The following REEP1 variants were observed in gnomAD, a reference collection of about 807,000 sequenced individuals.
The protein encoded by REEP1 is receptor expression-enhancing protein 1.
In REEP1, 22 loss-of-function variants were observed where a neutral mutation model predicts 40.3. That is an observed-to-expected ratio of 0.55 (90% CI 0.39 to 0.78). The LOEUF (loss-of-function observed/expected upper bound fraction) is 0.78. Ranked by LOEUF, REEP1 falls within the 30% of genes least tolerant of loss-of-function variation. REEP1 has a pLI of 0.00. For missense variants in REEP1, 280 were observed against 361.1 expected, an observed-to-expected ratio of 0.78 and a Z score of 1.82; for synonymous variants, 116 against 139.2, an observed-to-expected ratio of 0.83 and a Z score of 1.17.
Position 86,263,997 on chromosome 2 carries a change from T to G in REEP1, c.150A>C (p.Thr50=). 6.2e-7 allele frequency: 1 copy of G among 1,613,772 alleles called. No individual in the cohort carries two copies. Among genetic ancestry groups the G allele is most frequent in the Non-Finnish European group, 8.5e-7 (1 of 1,179,648 alleles). ...GGAAGATGTCTGTGAATGTCTCTGC[T>G]GTGGTGAAAAGTGCAAATATAATCC... ...MYWIIFALFT[T]AETFTDIFLC... is the part of the protein sequence containing the mutation. The change falls in exon 3 of 9, where the codon ACA becomes ACC. Residue 50 remains threonine (T), a synonymous_variant. Coordinates refer to ENST00000538924, the MANE Select transcript of REEP1 (RefSeq NM_001371279.1).
At chr2:86,260,308 C>T (rs1676789615) in intron 3 of REEP1, among the ~76,000 whole-genome samples, 1 of 152,134 alleles carries the variant, frequency 6.6e-6, no homozygotes, top group Non-Finnish European at 1.5e-5. Flanking sequence ...CCCTCACTTC[C>T]CACCCACAAA....
intron 5 of REEP1, among the ~76,000 whole-genome samples, chr2:86,233,990 G>A (rs913388977): frequency 2.0e-5 from 3 of 152,070 alleles, no homozygotes; most frequent in Non-Finnish European, 2.9e-5. Context: ...GGCTGCTGGT[G>A]GGATTGATGA....
At chr2:86,288,203 A>G (rs895026945) in intron 1 of REEP1, among the ~76,000 whole-genome samples, 1 of 151,708 alleles carries the variant, frequency 6.6e-6, no homozygotes, top group African/African-American at 2.4e-5. Context: ...TTGTATTTTT[A>G]GTAAAGATGG....
At chr2:86,325,898 C>T (rs1424395288) in intron 1 of REEP1, among the ~76,000 whole-genome samples, 1 of 152,216 alleles carries the variant, frequency 6.6e-6, no homozygotes, top group Non-Finnish European at 1.5e-5. Flanking sequence ...CCCACCTCTT[C>T]GTCTCAGATT....
At chr2:86,262,310 C>T (rs1228815668) in intron 3 of REEP1, among the ~76,000 whole-genome samples, 1 of 152,208 alleles carries the variant, frequency 6.6e-6, no homozygotes, top group African/African-American at 2.4e-5. Context: ...ACTTCCAGGG[C>T]CAGCCTCAAG....
intron 5 of REEP1, among the ~76,000 whole-genome samples, chr2:86,247,032 T>C (rs553225472): frequency 6.6e-6 from 1 of 152,340 alleles, no homozygotes; most frequent in African/African-American, 2.4e-5. Context: ...GAATATGTTT[T>C]GCTTAACAAA....
At chr2:86,316,847 G>A (rs1680038479) in intron 1 of REEP1, among the ~76,000 whole-genome samples, 1 of 152,170 alleles carries the variant, frequency 6.6e-6, no homozygotes, top group African/African-American at 2.4e-5. Context: ...GGACAAGAGT[G>A]AAACTCCATC....
intron 1 of REEP1, among the ~76,000 whole-genome samples, chr2:86,285,850 G>GA (rs1678359943): frequency 1.3e-5 from 2 of 152,162 alleles, no homozygotes; most frequent in Non-Finnish European, 2.9e-5. Flanking sequence ...TAGGAAGTCA[G>GA]AAAAAATGTG....
intron 5 of REEP1, among the ~76,000 whole-genome samples, chr2:86,235,785 G>A (rs771449028): frequency 2.6e-5 from 4 of 152,358 alleles, no homozygotes; most frequent in Middle Eastern, 3.4e-3. Flanking sequence ...GGCAGTGGCA[G>A]AGGTTAGGAA....
intron 1 of REEP1, among the ~76,000 whole-genome samples, chr2:86,286,047 A>T (rs1678376727): frequency 6.6e-6 from 1 of 151,610 alleles, no homozygotes; most frequent in Admixed American, 6.6e-5. Context: ...CACTGTCATT[A>T]ACTGTTACCC....
chr2:86,293,141 C>A (rs934089670), intron 1 of REEP1, among the ~76,000 whole-genome samples: 1 of 152,232 alleles, frequency 6.6e-6, no homozygotes, highest in African/African-American at 2.4e-5. Context: ...TCAGTCCCTA[C>A]TCTGTGTCAG....
intron 5 of REEP1, among the ~76,000 whole-genome samples, chr2:86,233,683 G>A (rs1675147362): frequency 6.6e-6 from 1 of 152,112 alleles, no homozygotes. Flanking sequence ...ACCTGAGAGT[G>A]GGAGGAGACT....
chr2:86,276,754 T>C (rs59300790), intron 2 of REEP1, among the ~76,000 whole-genome samples: 10,223 of 152,242 alleles, frequency 0.067, 530 homozygotes, highest in African/African-American at 0.13. Context: ...TTAAGCCTGA[T>C]GCCAGCTCCT....
At chr2:86,265,700 C>T (rs945440568) in intron 2 of REEP1, among the ~76,000 whole-genome samples, 1 of 152,248 alleles carries the variant, frequency 6.6e-6, no homozygotes, top group South Asian at 2.1e-4. Context: ...AAGCCAAATA[C>T]TGCATGTTCT....
At chr2:86,317,094 CAA>C (rs1212706682) in intron 1 of REEP1, among the ~76,000 whole-genome samples, 4 of 152,134 alleles carry the variant, frequency 2.6e-5, no homozygotes, top group Non-Finnish European at 5.9e-5. Context: ...GGTGTTGCCA[CAA>C]TTGTCAGACC....
At chr2:86,328,605 G>A (rs2104535238) in intron 1 of REEP1, among the ~76,000 whole-genome samples, 1 of 152,382 alleles carries the variant, frequency 6.6e-6, no homozygotes, top group East Asian at 1.9e-4. Flanking sequence ...CTTGAACCCA[G>A]GAGGTGGAGA....
intron 5 of REEP1, among the ~76,000 whole-genome samples, chr2:86,236,982 C>T (rs1247398440): frequency 1.3e-5 from 2 of 152,224 alleles, no homozygotes; most frequent in East Asian, 1.9e-4. Context: ...AATCCGCCCG[C>T]CTTGGCCTCC....
At chr2:86,230,041 C>T (rs1197652490) in intron 6 of REEP1, among the ~76,000 whole-genome samples, 1 of 152,208 alleles carries the variant, frequency 6.6e-6, no homozygotes, top group Non-Finnish European at 1.5e-5. Context: ...GGTGCGGAGG[C>T]CAAGGGGGCC....
chr2:86,239,208 C>CAAAAAAAAAAA (rs35714309), intron 5 of REEP1, among the ~76,000 whole-genome samples: 4 of 58,354 alleles, frequency 6.9e-5, no homozygotes, highest in Non-Finnish European at 8.7e-5. Context: ...CCATCTAGAC[C>CAAAAAAAAAAA]AAAAAAAAAA....
Sources: gnomAD v4.1 joint callset for allele counts (sites outside exome capture counted in the v4.1 genomes callset) on GRCh38, gnomAD v4.1.1 for gene constraint, MANE v1.5 for transcripts, NCBI Gene and HGNC (gene_info 2026-07-23, HGNC 2026-07-21) for gene names.